Variants in AGO2 observed in about 807,000 individuals in gnomAD.
AGO2 encodes argonaute RISC catalytic component 2.
A neutral mutation model predicts 102.3 loss-of-function variants in AGO2; 5 were observed. That is an observed-to-expected ratio of 0.05 (90% CI 0.03 to 0.10). The LOEUF (loss-of-function observed/expected upper bound fraction) is 0.10. Among genes scored for constraint, AGO2 ranks in the 10% least tolerant of loss-of-function variants. AGO2 has a pLI of 1.00. For synonymous variants in AGO2, 449 were observed against 473.1 expected, an observed-to-expected ratio of 0.95 and a Z score of 0.66; for missense variants, 541 against 1,183.7, an observed-to-expected ratio of 0.46 and a Z score of 7.97.
At chr8:140,537,493 G>T (rs530780959) in intron 16 of AGO2, among the ~76,000 whole-genome samples, 23 of 152,180 alleles carry the variant, frequency 1.5e-4, no homozygotes, top group East Asian at 5.8e-4. Context: ...TTCGAGATGG[G>T]GTTTCACTTT....
At chr8:140,553,397 G>GTT (rs1247887588) in intron 10 of AGO2, among the ~76,000 whole-genome samples, 9 of 129,768 alleles carry the variant, frequency 6.9e-5, no homozygotes, top group South Asian at 2.5e-4. Context: ...CAAGTTACAA[G>GTT]TTTTTTGTTT....
chr8:140,572,827 C>T lies in AGO2; in HGVS notation c.321G>A (p.Pro107=), dbSNP rs201468982. 72 of 1,612,540 alleles carry T rather than the reference C, an allele frequency of 4.5e-5. No individual in the cohort carries two copies. The highest frequency in any genetic ancestry group is 1.5e-4 in the Admixed American group (9 of 59,678). Residue 107 remains proline (P), a synonymous_variant, in exon 3 of 19, where the codon CCG becomes CCA. Transcript: ENST00000220592. ...GCGAGCTTACCTTGTCCCTCCCAAT[C>T]GGAAGGGGCATGGCTGTGTATAGAT... ...RKNLYTAMPL[P]IGRDKVELEV...
At chr8:140,585,005 C>T (rs971075784) in intron 2 of AGO2, 114 bp downstream of exon 2, 25 of 1,039,628 alleles carry the variant, frequency 2.4e-5, no homozygotes, top group Middle Eastern at 5.4e-4. Context: ...GCAGCTGAAA[C>T]GTTCTGGAAA....
intron 1 of AGO2, among the ~76,000 whole-genome samples, chr8:140,609,655 G>A (rs1207719955): frequency 6.6e-6 from 1 of 152,156 alleles, no homozygotes; most frequent in Non-Finnish European, 1.5e-5. Context: ...CCAGTCATAA[G>A]CTCCCTGAGG....
chr8:140,595,248 C>T (rs543138852), intron 1 of AGO2, among the ~76,000 whole-genome samples: 30 of 152,226 alleles, frequency 2.0e-4, no homozygotes, highest in African/African-American at 6.7e-4. Context: ...ACGGCAAGAG[C>T]TCCATGTACT....
chr8:140,559,836 A>C (rs368580779), intron 5 of AGO2, among the ~76,000 whole-genome samples: 1 of 152,354 alleles, frequency 6.6e-6, no homozygotes, highest in East Asian at 1.9e-4. Flanking sequence ...CGTCTGGTGT[A>C]GATATTTCTG....
chr8:140,624,243 G>A (rs1209480966), intron 1 of AGO2, among the ~76,000 whole-genome samples: 3 of 152,138 alleles, frequency 2.0e-5, no homozygotes, highest in African/African-American at 7.2e-5. Flanking sequence ...CTCACTCTGG[G>A]AGGCAGCCCA....
chr8:140,547,637 A>G lies in AGO2; in HGVS notation c.1589-10T>C. 1.2e-6 allele frequency: 2 copies of G among 1,608,900 alleles called. No homozygotes were observed. Among genetic ancestry groups the G allele is most frequent in the Non-Finnish European group, 1.7e-6 (2 of 1,177,302 alleles). Reference sequence around the variant, plus strand: ...ACGCGCTTGACCTCGGCTAAGGGACATGAGAGGCACACACAGCTCTGCCGG... The same window carrying G: ...ACGCGCTTGACCTCGGCTAAGGGACGTGAGAGGCACACACAGCTCTGCCGG... On this transcript the variant is annotated splice_polypyrimidine_tract_variant and intron_variant, in intron 12 of 18. Transcript: ENST00000220592.
chr8:140,631,607 G>C (rs1359388945), intron 1 of AGO2, among the ~76,000 whole-genome samples: 1 of 152,040 alleles, frequency 6.6e-6, no homozygotes, highest in Non-Finnish European at 1.5e-5. Flanking sequence ...AGAGAGGGTG[G>C]GCTAGCTTTA....
chr8:140,605,907 G>A (rs2073992475), intron 1 of AGO2: 1 of 152,230 alleles, frequency 6.6e-6, no homozygotes, highest in East Asian at 1.9e-4. Flanking sequence ...GGACAAGTCA[G>A]TTAGTACCTG....
At position 140,524,566 on chromosome 8, in the gene AGO2, C is replaced by A. The variant is rs895395760; in HGVS notation, c.*7478G>T. On this transcript the variant is annotated 3_prime_UTR_variant, in exon 19 of 19. Transcript: ENST00000220592. ...TTGTGGAATGGCACAGGCTTAGTTCCCCAGAGAAACGCAGCCCCAACATGA... is the reference window on the plus strand; with the variant it reads ...TTGTGGAATGGCACAGGCTTAGTTCACCAGAGAAACGCAGCCCCAACATGA... 6.6e-6 allele frequency: 1 copy of A among 152,240 alleles called. No individual in the cohort carries two copies. Among genetic ancestry groups the A allele is most frequent in the Non-Finnish European group, 1.5e-5 (1 of 68,072 alleles). 9.4% of individuals were successfully genotyped at this position (152,240 alleles called of 1,614,324 possible).
chr8:140,536,293 A>G (rs1005232575), intron 16 of AGO2, among the ~76,000 whole-genome samples: 1 of 152,100 alleles, frequency 6.6e-6, no homozygotes, highest in African/African-American at 2.4e-5. Context: ...TATACATACA[A>G]AAAAGAATCT....
At chr8:140,628,949 T>G (rs1393871539) in intron 1 of AGO2, among the ~76,000 whole-genome samples, 2 of 150,940 alleles carry the variant, frequency 1.3e-5, no homozygotes, top group Non-Finnish European at 2.9e-5. Context: ...AAAATTTGGG[T>G]ATATAGTGGC....
chr8:140,608,407 GT>G (rs943058620), intron 1 of AGO2, among the ~76,000 whole-genome samples: 8 of 152,216 alleles, frequency 5.3e-5, no homozygotes, highest in African/African-American at 1.9e-4. Context: ...ACCCTCTACT[GT>G]TTTCTCCACA....
chr8:140,528,617 C>G lies in AGO2; in HGVS notation c.*3427G>C, dbSNP rs887192734. The stretch of plus-strand genomic sequence containing the variant: ...ATTCAAAGGAGTGTGAGACCACCAC[C>G]GAAAAGCAACATCATCTGGAAAAGA... On this transcript the variant is annotated 3_prime_UTR_variant, in exon 19 of 19. Coordinates refer to ENST00000220592, the MANE Select transcript of AGO2 (RefSeq NM_012154.5). The surrounding 1 kb of genome is among the most constrained non-coding windows in gnomAD (Gnocchi z 4.5). 1.3e-5 allele frequency: 2 copies of G among 152,080 alleles called. No homozygotes were observed. Among genetic ancestry groups the G allele is most frequent in the African/African-American group, 2.4e-5 (1 of 41,396 alleles). The allele number at this position is 152,080 out of a possible 1,614,324, so 9.4% of individuals were successfully genotyped here. A position where few individuals can be genotyped will look rare whatever the true frequency, so the allele number is the denominator to read the frequency against.
At chr8:140,532,768 G>A (rs541785040) in intron 17 of AGO2, 153 bp from the exon 18 acceptor site, 64 of 786,904 alleles carry the variant, frequency 8.1e-5, no homozygotes, top group African/African-American at 7.2e-4. Flanking sequence ...AGGCCAAGGC[G>A]GGCAGATCAC....
intron 16 of AGO2, among the ~76,000 whole-genome samples, chr8:140,536,397 G>A (rs2072698071): frequency 6.6e-6 from 1 of 151,380 alleles, no homozygotes; most frequent in African/African-American, 2.4e-5. Flanking sequence ...CGCAGTCTCG[G>A]CTCACTGCAA....
intron 1 of AGO2, among the ~76,000 whole-genome samples, chr8:140,602,590 C>T (rs1234194538): frequency 6.6e-6 from 1 of 152,180 alleles, no homozygotes; most frequent in Non-Finnish European, 1.5e-5. Context: ...CTTCTGCAGC[C>T]CATCCCTGTG....
intron 1 of AGO2, among the ~76,000 whole-genome samples, chr8:140,612,207 CG>C (rs986570324): frequency 8.1e-6 from 1 of 123,162 alleles, no homozygotes; most frequent in African/African-American, 3.0e-5. Flanking sequence ...TGGCCAAGAG[CG>C]AGACTCTGTC....
Sources: gnomAD v4.1 joint callset for allele counts (sites outside exome capture counted in the v4.1 genomes callset) on GRCh38, gnomAD v4.1.1 for gene constraint, Gnocchi (gnomAD v3.1) non-coding constraint, MANE v1.5 for transcripts, NCBI Gene and HGNC (gene_info 2026-07-23, HGNC 2026-07-21) for gene names.